Variants in SPIRE1 observed in about 807,000 individuals in gnomAD.
SPIRE1 encodes protein spire homolog 1.
A neutral mutation model predicts 94.1 loss-of-function variants in SPIRE1; 40 were observed. That is an observed-to-expected ratio of 0.43 (90% CI 0.33 to 0.55). The LOEUF (loss-of-function observed/expected upper bound fraction) is 0.55. Among genes scored for constraint, SPIRE1 ranks in the 20% least tolerant of loss-of-function variants. The pLI is 0.06. For missense variants in SPIRE1, 838 were observed against 975.2 expected (o/e 0.86, Z 1.87); for synonymous variants, 376 against 371.7 (o/e 1.01, Z -0.13).
chr18:12,606,656 G>A (rs372531950), intron 2 of SPIRE1, among the ~76,000 whole-genome samples: 96 of 151,712 alleles, frequency 6.3e-4, no homozygotes, highest in African/African-American at 2.1e-3. Flanking sequence ...TCAGCCTCCC[G>A]AGTAGCTGGG....
rs373403339 is a variant in SPIRE1 at position 12,560,648 on chromosome 18, C to T, written c.373-13744G>A. ...GGCGGATCACTTGAGGTCAGGAGTT[C>T]GAGACTAGCCTAGCCAACGTGGTGA... is the stretch of plus-strand genomic sequence containing the variant. On this transcript the variant is annotated intron_variant, in intron 2 of 16. Coordinates refer to ENST00000409402, the MANE Select transcript of SPIRE1 (RefSeq NM_001128626.2). 2.1e-4 allele frequency among the ~76,000 whole-genome samples: 32 copies of T among 152,162 alleles called. No homozygotes were observed. In the East Asian group the frequency reaches 4.1e-3, roughly 19 times the overall value.
chr18:12,614,755 T>G (rs1225765856), intron 2 of SPIRE1, among the ~76,000 whole-genome samples: 1 of 151,890 alleles, frequency 6.6e-6, no homozygotes, highest in Non-Finnish European at 1.5e-5. Flanking sequence ...GAGGCAGAGG[T>G]TGCAGTGAGC....
intron 3 of SPIRE1, among the ~76,000 whole-genome samples, chr18:12,539,587 G>GCACACACA (rs57030414): frequency 3.2e-4 from 44 of 139,102 alleles, no homozygotes; most frequent in African/African-American, 9.8e-4. Context: ...ACACACACAC[G>GCACACACA]CACACACACA....
chr18:12,470,135 C>T (rs748140393), intron 10 of SPIRE1, among the ~76,000 whole-genome samples: 5 of 151,956 alleles, frequency 3.3e-5, no homozygotes, highest in African/African-American at 1.2e-4. Context: ...GTTGTAGAGA[C>T]GGGGTCTCAC....
intron 2 of SPIRE1, among the ~76,000 whole-genome samples, chr18:12,629,708 T>C (rs1330346650): frequency 6.6e-6 from 1 of 152,136 alleles, no homozygotes; most frequent in Non-Finnish European, 1.5e-5. Context: ...CAACAAAATA[T>C]CCTTGTCAAA....
At chr18:12,546,576 G>A in intron 3 of SPIRE1, 98 bp downstream of exon 3, 2 of 915,534 alleles carry the variant, frequency 2.2e-6, no homozygotes, top group Non-Finnish European at 3.5e-6. Context: ...ACTCTAGCCT[G>A]GGCGACAGAG....
chr18:12,635,052 T>C lies in SPIRE1; in HGVS notation c.372+10A>G, dbSNP rs1306491789. On this transcript the variant is annotated intron_variant, in intron 2 of 16. Transcript: ENST00000409402. ...TGCTTTACTAAGAAATATTTGAGTA[T>C]TTCACTTACCTCTGTTTCCATACAT... is the stretch of plus-strand genomic sequence containing the variant. The C allele has an allele frequency of 7.0e-7, 1 of 1,435,856 alleles. No individual in the cohort carries two copies. The highest frequency in any genetic ancestry group is 9.6e-7 in the Non-Finnish European group (1 of 1,044,978). 88.9% of individuals were successfully genotyped at this position (1,435,856 alleles called of 1,614,324 possible).
intron 2 of SPIRE1, among the ~76,000 whole-genome samples, chr18:12,560,013 T>G (rs55634668): frequency 2.0e-5 from 3 of 152,126 alleles, no homozygotes; most frequent in East Asian, 3.9e-4. Flanking sequence ...TCATTGATTG[T>G]CAGAGTAATA....
At position 12,461,455 on chromosome 18, in the gene SPIRE1, T is replaced by C. The variant is rs560346504; in HGVS notation, c.1638+1896A>G. 4.4e-3 allele frequency among the ~76,000 whole-genome samples: 506 copies of C among 115,062 alleles called. 3 individuals carry two copies. The highest frequency in any genetic ancestry group is 0.026 in the African/African-American group (462 of 17,780). The allele number at this position is 115,062 out of a possible 152,430, so 75.5% of individuals were successfully genotyped here. Reference sequence around the variant, plus strand: ...ATGTATGTATATACATACATGTGTGTATGTATGTACATATGTACGTACATA... The same window carrying C: ...ATGTATGTATATACATACATGTGTGCATGTATGTACATATGTACGTACATA... On this transcript the variant is annotated intron_variant, in intron 12 of 16. Coordinates refer to ENST00000409402, the MANE Select transcript of SPIRE1 (RefSeq NM_001128626.2).
intron 2 of SPIRE1, among the ~76,000 whole-genome samples, chr18:12,558,126 G>A (rs1405151624): frequency 2.0e-5 from 3 of 152,268 alleles, no homozygotes; most frequent in South Asian, 4.2e-4. Flanking sequence ...ATGAAGCCGC[G>A]GACCCTTGCA....
At chr18:12,540,244 T>C (rs1381051540) in intron 3 of SPIRE1, among the ~76,000 whole-genome samples, 1 of 152,238 alleles carries the variant, frequency 6.6e-6, no homozygotes, top group African/African-American at 2.4e-5. Context: ...TTGGTAATCC[T>C]AGACTTGTTT....
intron 2 of SPIRE1, among the ~76,000 whole-genome samples, chr18:12,593,678 G>A (rs926142225): frequency 6.6e-6 from 1 of 152,182 alleles, no homozygotes; most frequent in African/African-American, 2.4e-5. Flanking sequence ...GGCCAGGCGG[G>A]GTGGCTCATG....
intron 7 of SPIRE1, 62 bp downstream of exon 7, chr18:12,495,954 C>A (rs2033441899): frequency 7.6e-7 from 1 of 1,307,780 alleles, no homozygotes; most frequent in South Asian, 1.2e-5. Flanking sequence ...AGAGATGACA[C>A]CCTAGAGTAG....
chr18:12,614,772 C>T (rs775270247), intron 2 of SPIRE1, among the ~76,000 whole-genome samples: 22 of 151,550 alleles, frequency 1.5e-4, no homozygotes, highest in Non-Finnish European at 3.2e-4. Flanking sequence ...GAGCTGAGAT[C>T]GCGCCACTGC....
At chr18:12,451,026 GGGAGGAGGA>G (rs532972302) in intron 16 of SPIRE1, 8 of 528,396 alleles carry the variant, frequency 1.5e-5, no homozygotes, top group African/African-American at 4.0e-5. Context: ...GAAGAAGGAG[GGGAGGAGGA>G]GGAGGAGGAG....
rs78359526 is a variant in SPIRE1, at chr18:12,598,234, T to C, written c.372+36828A>G. On this transcript the variant is annotated intron_variant, in intron 2 of 16. Transcript: ENST00000409402. ...AGATATCTCAAATCTAAAATTCTTT[T>C]TGAATTCTGTCAGAAGAAATGATTC... Among the ~76,000 whole-genome samples, 718 of 152,346 alleles carry C rather than the reference T, an allele frequency of 4.7e-3. 4 individuals carry two copies. Among genetic ancestry groups the C allele is most frequent in the South Asian group, 0.011 (51 of 4,830 alleles).
At chr18:12,478,194 G>A (rs1282922514) in intron 10 of SPIRE1, among the ~76,000 whole-genome samples, 5 of 152,024 alleles carry the variant, frequency 3.3e-5, no homozygotes, top group Admixed American at 6.5e-5. Context: ...TACCTTGGAT[G>A]GAGCCAGCAA....
At chr18:12,590,380 G>A (rs1247936320) in intron 2 of SPIRE1, among the ~76,000 whole-genome samples, 1 of 152,056 alleles carries the variant, frequency 6.6e-6, no homozygotes, top group Non-Finnish European at 1.5e-5. Flanking sequence ...GTGAGCCACC[G>A]TGCCTGGCCG....
At chr18:12,597,205 C>CACACACACAG (rs1555629701) in intron 2 of SPIRE1, among the ~76,000 whole-genome samples, 1 of 138,552 alleles carries the variant, frequency 7.2e-6, no homozygotes, top group South Asian at 2.3e-4. Context: ...CACACACACA[C>CACACACACAG]AGAGGGAGAG....
Sources: allele counts gnomAD v4.1 joint callset (sites outside exome capture counted in the v4.1 genomes callset), GRCh38; gene constraint gnomAD v4.1.1; transcripts MANE v1.5; gene names NCBI Gene and HGNC (gene_info 2026-07-23, HGNC 2026-07-21).